The following XPA variants were observed in gnomAD, a reference collection of about 807,000 sequenced individuals.
The protein encoded by XPA is XPA, DNA damage recognition and repair factor, also known as DNA repair protein complementing XP-A cells.
Under a neutral mutation model 35.7 loss-of-function variants are expected in XPA, and 27 were observed. That is an observed-to-expected ratio of 0.76 (90% CI 0.56 to 1.04). XPA has a LOEUF of 1.04. Among genes scored for constraint, XPA ranks in the 50% least tolerant of loss-of-function variants. The pLI is 0.00. For missense variants in XPA, 354 were observed against 342.7 expected, an observed-to-expected ratio of 1.03 and a Z score of -0.26; for synonymous variants, 133 against 118.4, an observed-to-expected ratio of 1.12 and a Z score of -0.80.
At chr9:97,668,463 T>TG in the XPA span, among the ~76,000 whole-genome samples, 1 of 152,208 alleles carries the variant, frequency 6.6e-6, no homozygotes, top group Admixed American at 6.5e-5. Context: ...TGAGCAGCCT[T>TG]GGCCCATAGG....
At chr9:97,678,273 T>G (rs556249921) in intron 5 of XPA, among the ~76,000 whole-genome samples, 1 of 152,036 alleles carries the variant, frequency 6.6e-6, no homozygotes, top group East Asian at 1.9e-4. Flanking sequence ...TGGTGGCATA[T>G]GCCTGTAATC....
chr9:97,664,330 C>G, the XPA span: 1 of 1,551,508 alleles, frequency 6.4e-7, no homozygotes, highest in Non-Finnish European at 8.9e-7. Context: ...GAATAATTCT[C>G]TCATTGTAGA....
the XPA span, chr9:97,654,901 C>G: frequency 1.2e-6 from 2 of 1,613,204 alleles, no homozygotes; most frequent in Non-Finnish European, 8.5e-7. Context: ...AACTGAAATG[C>G]TATACATGCG....
At chr9:97,662,851 A>T in the XPA span, 4 of 822,024 alleles carry the variant, frequency 4.9e-6, no homozygotes, top group Non-Finnish European at 7.7e-6. Context: ...TTTTGCATTT[A>T]TATATTGCAT....
At chr9:97,685,142 A>C in intron 4 of XPA, 102 bp from the exon 5 acceptor site, 1 of 852,746 alleles carries the variant, frequency 1.2e-6, no homozygotes, top group South Asian at 1.6e-5. Flanking sequence ...GATCTAACTC[A>C]AGTATAAATT....
At chr9:97,665,708 G>T in the XPA span, among the ~76,000 whole-genome samples, 36 of 152,270 alleles carry the variant, frequency 2.4e-4, no homozygotes, top group South Asian at 1.7e-3. Context: ...AGGAAGTACA[G>T]TTCACCCTTG....
At chr9:97,694,712 A>G (rs1440527581) in intron 1 of XPA, among the ~76,000 whole-genome samples, 3 of 152,220 alleles carry the variant, frequency 2.0e-5, no homozygotes, top group Non-Finnish European at 2.9e-5. Context: ...AAAGCTTAAC[A>G]TAACTACACC....
At chr9:97,660,958 G>A in the XPA span, 1 of 1,610,428 alleles carries the variant, frequency 6.2e-7, no homozygotes, top group Non-Finnish European at 8.5e-7. Context: ...TCTCTTCCTG[G>A]ACATTCTGTT....
At chr9:97,662,435 C>G in the XPA span, among the ~76,000 whole-genome samples, 2 of 152,124 alleles carry the variant, frequency 1.3e-5, no homozygotes, top group South Asian at 2.1e-4. Context: ...GAAGTTCCCA[C>G]GCTAAATATC....
At chr9:97,679,059 CATT>C (rs1828458202) in intron 5 of XPA, among the ~76,000 whole-genome samples, 1 of 152,126 alleles carries the variant, frequency 6.6e-6, no homozygotes, top group South Asian at 2.1e-4. Flanking sequence ...CTAAAAAGAA[CATT>C]AGATCAACTA....
At chr9:97,679,564 T>C (rs906455601) in intron 5 of XPA, among the ~76,000 whole-genome samples, 3 of 151,956 alleles carry the variant, frequency 2.0e-5, no homozygotes, top group African/African-American at 7.3e-5. Flanking sequence ...AAAAAATCAG[T>C]TTCTAAGAGA....
intron 2 of XPA, among the ~76,000 whole-genome samples, chr9:97,691,601 C>A (rs1446372053): frequency 1.3e-5 from 2 of 152,222 alleles, no homozygotes; most frequent in African/African-American, 4.8e-5. Context: ...GTAATTCCAG[C>A]TACTCTGGAG....
chr9:97,693,403 C>A (rs966699474), intron 2 of XPA, among the ~76,000 whole-genome samples: 1 of 152,120 alleles, frequency 6.6e-6, no homozygotes, highest in Admixed American at 6.5e-5. Context: ...TATTATAAAA[C>A]AACAGAGAGC....
intron 5 of XPA, chr9:97,682,076 AT>A (rs1828559966): frequency 6.6e-6 from 2 of 302,794 alleles, no homozygotes; most frequent in African/African-American, 2.2e-5. Flanking sequence ...CTATCTATCT[AT>A]CTATCTATCT....
At chr9:97,666,426 G>A in the XPA span, among the ~76,000 whole-genome samples, 1 of 152,144 alleles carries the variant, frequency 6.6e-6, no homozygotes. Context: ...ATTTAGGAGA[G>A]GAAAAATGTA....
the XPA span, chr9:97,666,615 G>A: frequency 1.8e-6 from 1 of 548,356 alleles, no homozygotes; most frequent in Non-Finnish European, 3.2e-6. Flanking sequence ...AGACCAATTT[G>A]TAAGTATTGC....
chr9:97,684,772 A>C, intron 5 of XPA, 151 bp downstream of exon 5: 2 of 710,720 alleles, frequency 2.8e-6, no homozygotes, highest in Non-Finnish European at 5.0e-6. Context: ...TTGAAGACCA[A>C]CATACTGAGG....
chr9:97,658,655 G>A, the XPA span: 13 of 1,610,958 alleles, frequency 8.1e-6, no homozygotes, highest in African/African-American at 1.3e-5. Context: ...CTTACCATCA[G>A]CGTATATTAG....
chr9:97,689,474 G>A (rs1828816704), intron 3 of XPA, 60 bp downstream of exon 3: 1 of 1,014,752 alleles, frequency 9.9e-7, no homozygotes, highest in African/African-American at 1.6e-5. Context: ...GATATAACTT[G>A]TTTTGCCCTA....
Sources: gnomAD v4.1 joint callset for allele counts (sites outside exome capture counted in the v4.1 genomes callset) on GRCh38, gnomAD v4.1.1 for gene constraint, MANE v1.5 for transcripts, NCBI Gene and HGNC (gene_info 2026-07-23, HGNC 2026-07-21) for gene names.